CHD8: variants seen among roughly 807,000 people sequenced by gnomAD.
CHD8 encodes the protein ATP-dependent chromatin remodeler CHD8.
A neutral mutation model predicts 279.2 loss-of-function variants in CHD8; 31 were observed. The ratio of observed to expected loss-of-function variants is 0.11; its 90% CI spans 0.08 to 0.15. CHD8 has a LOEUF of 0.15. Ranked by LOEUF, CHD8 falls within the 10% of genes least tolerant of loss-of-function variation. The pLI is 1.00. For synonymous variants in CHD8, 1,081 were observed against 1,139.6 expected, an observed-to-expected ratio of 0.95 and a Z score of 1.04; for missense variants, 2,146 against 3,230.5, an observed-to-expected ratio of 0.66 and a Z score of 8.14.
chr14:21,391,902 C>T lies in CHD8; in HGVS notation c.6816G>A (p.Ala2272=), dbSNP rs369570478. Residue 2272 remains alanine (A), a synonymous_variant, in exon 35 of 38, where the codon GCG becomes GCA. Transcript: ENST00000646647. ...KLTFQKHKLM[A]NGVMGDGHPL... is the part of the protein sequence containing the mutation. ...GATGTCCATCTCCCATTACTCCATT[C>T]GCCATCAACTTGTGCTTCTGGAATG... 184 of 1,613,824 alleles carry T rather than the reference C, an allele frequency of 1.1e-4. No homozygotes were observed. Among genetic ancestry groups the T allele is most frequent in the Non-Finnish European group, 1.4e-4 (161 of 1,179,848 alleles).
chr14:21,443,921 T>C (rs923747670), intron 1 of CHD8, among the ~76,000 whole-genome samples: 1 of 151,712 alleles, frequency 6.6e-6, no homozygotes, highest in African/African-American at 2.4e-5. Flanking sequence ...CTTGAAAGCC[T>C]TTCTGATACC....
chr14:21,417,881 T>A (rs867081918), intron 5 of CHD8, among the ~76,000 whole-genome samples: 19 of 132,446 alleles, frequency 1.4e-4, no homozygotes, highest in Admixed American at 3.8e-4. Flanking sequence ...TATATATATA[T>A]AATATATATA....
rs549759021 is a variant in CHD8, at chr14:21,415,226, G to A, written c.1969-233C>T. 75 of 480,034 alleles carry A rather than the reference G, an allele frequency of 1.6e-4. No individual in the cohort carries two copies. The East Asian group carries it at 2.4e-3, about 16-fold the overall frequency. The allele number at this position is 480,034 out of a possible 1,614,324, so 29.7% of individuals were successfully genotyped here. On this transcript the variant is annotated intron_variant, in intron 7 of 37. Transcript: ENST00000646647. ...AAGAAGCACCAGTAAAGCAGTTCCT[G>A]TTTTCTAGCTAACTTTCCTCCATCA...
At chr14:21,393,295 G>A (rs368962147) in intron 32 of CHD8, 41 bp from the exon 33 acceptor site, 12 of 1,610,678 alleles carry the variant, frequency 7.5e-6, no homozygotes, top group Non-Finnish European at 1.0e-5. Context: ...AAAGATGGAA[G>A]AATAATGTCA....
Position 21,402,603 on chromosome 14 carries a change from A to C in CHD8, c.3715-100T>G. 8.8e-7 allele frequency: 1 copy of C among 1,130,976 alleles called. No homozygotes were observed. The highest frequency in any genetic ancestry group is 1.2e-6 in the Non-Finnish European group (1 of 814,260). The allele number at this position is 1,130,976 out of a possible 1,614,324, so 70.1% of individuals were successfully genotyped here. A position where few individuals can be genotyped will look rare whatever the true frequency, so the allele number is the denominator to read the frequency against. On this transcript the variant is annotated intron_variant, in intron 18 of 37. Transcript: ENST00000646647. The surrounding 1 kb of genome is among the most constrained non-coding windows in gnomAD (Gnocchi z 4.5). ...ATTTATGATTCTTTCACCTCTATAGAGCAGCCATGAGATCAACTCAAAACC... is the reference window on the plus strand; with the variant it reads ...ATTTATGATTCTTTCACCTCTATAGCGCAGCCATGAGATCAACTCAAAACC...
intron 37 of CHD8, among the ~76,000 whole-genome samples, chr14:21,390,411 G>GTA (rs541547410): frequency 9.7e-4 from 147 of 152,196 alleles, no homozygotes; most frequent in African/African-American, 3.4e-3. Context: ...TATGCATCAA[G>GTA]TACTAAAGTT....
At chr14:21,416,498 G>C (rs1255978667) in intron 5 of CHD8, 1 of 152,256 alleles carries the variant, frequency 6.6e-6, no homozygotes, top group Non-Finnish European at 1.5e-5. Context: ...TGGTACAGTG[G>C]CTTATGCCTG....
rs768147245 is a variant in CHD8, at chr14:21,406,846, T to G, written c.2907+10A>C. ...AGGTGTTTCTGCTCACAAGTCAGTG[T>G]GGAACTCACCAGGTCCATGTGCTTG... On this transcript the variant is annotated intron_variant, in intron 14 of 37. Transcript: ENST00000646647. The G allele has an allele frequency of 6.2e-6, 10 of 1,609,008 alleles. No individual in the cohort carries two copies. Among genetic ancestry groups the G allele is most frequent in the African/African-American group, 1.3e-5 (1 of 74,858 alleles).
chr14:21,402,946 A>T lies in CHD8; in HGVS notation c.3714+71T>A. 1 of 1,304,558 alleles carries T rather than the reference A, an allele frequency of 7.7e-7. No homozygotes were observed. Among genetic ancestry groups the T allele is most frequent in the East Asian group, 2.3e-5 (1 of 42,728 alleles). 80.8% of individuals were successfully genotyped at this position (1,304,558 alleles called of 1,614,324 possible). On this transcript the variant is annotated intron_variant, in intron 18 of 37. Transcript: ENST00000646647. This position sits in a 1 kb window ranked among gnomAD's most constrained non-coding sequence, Gnocchi z 4.5. ...TCCAAACTCTGTGAAAGGTCTTTCT[A>T]AAAGATCCTATTCTTGTTGAAAAAT...
chr14:21,387,550 C>A (rs562948069), intron 37 of CHD8, among the ~76,000 whole-genome samples: 8 of 150,778 alleles, frequency 5.3e-5, no homozygotes, highest in Admixed American at 4.0e-4. Flanking sequence ...AGAAAAATCG[C>A]TTGAACCCAG....
At chr14:21,439,696 A>G (rs546425861) in intron 1 of CHD8, among the ~76,000 whole-genome samples, 1 of 152,284 alleles carries the variant, frequency 6.6e-6, no homozygotes, top group African/African-American at 2.4e-5. Context: ...GTATGGCCAA[A>G]TCAAACTTGT....
chr14:21,406,859 G>A lies in CHD8; in HGVS notation c.2904C>T (p.Asp968=). Residue 968 remains aspartate (D), a synonymous_variant, in exon 14 of 38, where the codon GAC becomes GAT. Coordinates refer to ENST00000646647, the MANE Select transcript of CHD8 (RefSeq NM_001170629.2). ...CACAAGTCAGTGTGGAACTCACCAG[G>A]TCCATGTGCTTGAGACTATCAAGCA... ...CKLLDSLKHM[D]LEHKVLLTGT... 10 of 1,612,188 alleles carry A rather than the reference G, an allele frequency of 6.2e-6. No individual in the cohort carries two copies. The highest frequency in any genetic ancestry group is 8.5e-6 in the Non-Finnish European group (10 of 1,178,970).
chr14:21,417,577 G>A (rs995295083), intron 5 of CHD8, among the ~76,000 whole-genome samples: 9 of 151,884 alleles, frequency 5.9e-5, no homozygotes, highest in East Asian at 1.9e-4. Flanking sequence ...AAAAATAGCC[G>A]GGCACGGTGG....
intron 1 of CHD8, among the ~76,000 whole-genome samples, chr14:21,437,928 T>C (rs1027760345): frequency 1.3e-5 from 2 of 152,104 alleles, no homozygotes; most frequent in African/African-American, 4.8e-5. Context: ...TGTTCTCCCA[T>C]CTCTTGAAAC....
intron 5 of CHD8, among the ~76,000 whole-genome samples, chr14:21,424,562 T>C (rs1566440665): frequency 6.6e-6 from 1 of 152,070 alleles, no homozygotes; most frequent in Non-Finnish European, 1.5e-5. Context: ...GCTCTGCTTC[T>C]AGGGTTCATG....
chr14:21,401,173 A>C, intron 21 of CHD8, 102 bp from the exon 22 acceptor site: 4 of 955,638 alleles, frequency 4.2e-6, no homozygotes, highest in Non-Finnish European at 6.1e-6. Flanking sequence ...TAACGTGTAG[A>C]TACTCAGAGA....
chr14:21,441,364 A>C (rs1334233991), intron 1 of CHD8, among the ~76,000 whole-genome samples: 1 of 151,964 alleles, frequency 6.6e-6, no homozygotes, highest in Non-Finnish European at 1.5e-5. Flanking sequence ...AGTTACCCAA[A>C]AGATGATTCC....
At chr14:21,432,251 A>C (rs1889594828) in intron 1 of CHD8, among the ~76,000 whole-genome samples, 1 of 152,220 alleles carries the variant, frequency 6.6e-6, no homozygotes, top group South Asian at 2.1e-4. Flanking sequence ...GTGACTCTAT[A>C]GATAAAGGTT....
intron 1 of CHD8, among the ~76,000 whole-genome samples, chr14:21,450,603 A>G (rs1890233992): frequency 6.6e-6 from 1 of 152,006 alleles, no homozygotes; most frequent in Non-Finnish European, 1.5e-5. Context: ...GCAGTGAGCT[A>G]TAATTGCACC....
Sources: allele counts gnomAD v4.1 joint callset (sites outside exome capture counted in the v4.1 genomes callset), GRCh38; gene constraint gnomAD v4.1.1; non-coding constraint Gnocchi (gnomAD v3.1); transcripts MANE v1.5; gene names NCBI Gene and HGNC (gene_info 2026-07-23, HGNC 2026-07-21).